The following XKR9 variants were observed in gnomAD, a reference collection of about 807,000 sequenced individuals.
The protein encoded by XKR9 is XK-related protein 9.
In XKR9, 32 loss-of-function variants were observed where a neutral mutation model predicts 32.0. That is an observed-to-expected ratio of 1.00 (90% CI 0.76 to 1.34). The LOEUF (loss-of-function observed/expected upper bound fraction) is 1.34. XKR9 is among the 40% of genes most tolerant of loss of function. The pLI, the probability that XKR9 is intolerant of heterozygous loss-of-function variation, is 0.00. For missense variants in XKR9, 546 were observed against 429.7 expected (o/e 1.27, Z -2.39); for synonymous variants, 168 against 143.4 (o/e 1.17, Z -1.22).
the XKR9 span, among the ~76,000 whole-genome samples, chr8:71,050,258 TATAG>T: frequency 1.6e-3 from 166 of 106,612 alleles, 5 homozygotes; most frequent in South Asian, 0.045. Context: ...TATATATATA[TATAG>T]ATAGATAGAT....
At chr8:70,847,248 G>A in the XKR9 span, among the ~76,000 whole-genome samples, 4 of 152,076 alleles carry the variant, frequency 2.6e-5, no homozygotes, top group East Asian at 3.9e-4. Context: ...TGACCAATGG[G>A]TCAATGAAGA....
chr8:70,719,206 C>G (rs1035371994), intron 4 of XKR9, among the ~76,000 whole-genome samples: 1 of 151,712 alleles, frequency 6.6e-6, no homozygotes, highest in Admixed American at 6.6e-5. Context: ...GGATATTAGC[C>G]CTTTGTCAGA....
the XKR9 span, among the ~76,000 whole-genome samples, chr8:70,812,508 G>A: frequency 2.6e-5 from 4 of 152,184 alleles, no homozygotes; most frequent in African/African-American, 9.7e-5. Flanking sequence ...AATTGTCCCT[G>A]TTTGCAGATG....
the XKR9 span, among the ~76,000 whole-genome samples, chr8:70,974,751 AC>A: frequency 2.0e-5 from 3 of 152,198 alleles, no homozygotes; most frequent in African/African-American, 7.2e-5. Context: ...TTGGGTATAT[AC>A]CCAGTAATGG....
At chr8:70,867,910 T>C in the XKR9 span, among the ~76,000 whole-genome samples, 1 of 152,086 alleles carries the variant, frequency 6.6e-6, no homozygotes, top group African/African-American at 2.4e-5. Flanking sequence ...ATTGGGTAAA[T>C]ATAGTCATTC....
At chr8:71,051,785 A>G in the XKR9 span, among the ~76,000 whole-genome samples, 1 of 152,260 alleles carries the variant, frequency 6.6e-6, no homozygotes, top group Non-Finnish European at 1.5e-5. Flanking sequence ...AAAGAGGATT[A>G]GAAAGACCAT....
the XKR9 span, among the ~76,000 whole-genome samples, chr8:70,984,341 A>G: frequency 6.6e-6 from 1 of 152,176 alleles, no homozygotes; most frequent in Admixed American, 6.5e-5. Context: ...TCACCTCTGA[A>G]GTCTTACTGC....
intron 2 of XKR9, among the ~76,000 whole-genome samples, chr8:70,756,159 T>A (rs1807222583): frequency 6.6e-6 from 1 of 152,238 alleles, no homozygotes; most frequent in Admixed American, 6.5e-5. Context: ...GGCACCCTTA[T>A]TGAAAATCAG....
At chr8:70,971,415 C>T in the XKR9 span, among the ~76,000 whole-genome samples, 1 of 151,922 alleles carries the variant, frequency 6.6e-6, no homozygotes, top group Admixed American at 6.6e-5. Context: ...TGTGGGTTAT[C>T]TGTTAACTCT....
chr8:70,795,758 G>A, the XKR9 span, among the ~76,000 whole-genome samples: 2 of 151,366 alleles, frequency 1.3e-5, no homozygotes, highest in Admixed American at 6.6e-5. Context: ...TTTTTCATAC[G>A]GTTTTTGGCT....
chr8:70,816,774 A>G, the XKR9 span, among the ~76,000 whole-genome samples: 4 of 152,206 alleles, frequency 2.6e-5, no homozygotes, highest in East Asian at 5.8e-4. Flanking sequence ...TTAGTTCACC[A>G]TGATTGAATA....
chr8:71,020,468 G>A, the XKR9 span, among the ~76,000 whole-genome samples: 13 of 152,168 alleles, frequency 8.5e-5, no homozygotes, highest in Non-Finnish European at 4.4e-5. Flanking sequence ...TTCATGTACT[G>A]TGATGACAAT....
At chr8:70,782,942 G>A (rs898667863) in intron 2 of XKR9, among the ~76,000 whole-genome samples, 10 of 152,160 alleles carry the variant, frequency 6.6e-5, no homozygotes, top group African/African-American at 2.4e-4. Context: ...TAAATACTCA[G>A]AAGTGGGATT....
intron 3 of XKR9, among the ~76,000 whole-genome samples, chr8:70,702,781 C>G (rs573669630): frequency 1.3e-5 from 2 of 152,254 alleles, no homozygotes; most frequent in East Asian, 3.9e-4. Context: ...TTCAAACTAT[C>G]TGAGTCTTTA....
intron 2 of XKR9, among the ~76,000 whole-genome samples, chr8:70,759,205 AG>A (rs1319405785): frequency 4.6e-5 from 7 of 152,222 alleles, no homozygotes; most frequent in African/African-American, 1.7e-4. Context: ...TCTATTTGGT[AG>A]AAAAGAATGC....
the XKR9 span, among the ~76,000 whole-genome samples, chr8:70,811,907 T>C: frequency 2.0e-5 from 3 of 151,656 alleles, no homozygotes; most frequent in Admixed American, 1.3e-4. Context: ...TTCCAATCAA[T>C]AGAAAAAGAG....
At chr8:70,874,435 A>G in the XKR9 span, among the ~76,000 whole-genome samples, 3 of 152,222 alleles carry the variant, frequency 2.0e-5, no homozygotes, top group Non-Finnish European at 2.9e-5. Flanking sequence ...ATGTTACTAA[A>G]TTGAATAAAC....
chr8:70,890,080 A>T, the XKR9 span, among the ~76,000 whole-genome samples: 1 of 151,982 alleles, frequency 6.6e-6, no homozygotes, highest in Admixed American at 6.6e-5. Context: ...CCTCACCAGT[A>T]TCTGTTGTTT....
the XKR9 span, among the ~76,000 whole-genome samples, chr8:70,942,601 G>A: frequency 6.6e-6 from 1 of 152,126 alleles, no homozygotes; most frequent in African/African-American, 2.4e-5. Context: ...GTGCCAATGT[G>A]TGCCAGCATT....
Sources: gnomAD v4.1 joint callset for allele counts (sites outside exome capture counted in the v4.1 genomes callset) on GRCh38, gnomAD v4.1.1 for gene constraint, MANE v1.5 for transcripts, NCBI Gene and HGNC (gene_info 2026-07-23, HGNC 2026-07-21) for gene names.